The following MECOM variants were observed in gnomAD, a reference collection of about 807,000 sequenced individuals.
MECOM encodes the protein histone-lysine N-methyltransferase MECOM.
Under a neutral mutation model 116.3 loss-of-function variants are expected in MECOM, and 13 were observed. That is an observed-to-expected ratio of 0.11 (90% CI 0.07 to 0.18). MECOM has a LOEUF of 0.18. Ranked by LOEUF, MECOM falls within the 10% of genes least tolerant of loss-of-function variation. The pLI is 1.00. For missense variants in MECOM, 1,299 were observed against 1,509.0 expected (o/e 0.86, Z 2.31); for synonymous variants, 528 against 535.2 (o/e 0.99, Z 0.19).
intron 1 of MECOM, among the ~76,000 whole-genome samples, chr3:169,641,938 A>C (rs1773543714): frequency 6.6e-6 from 1 of 152,246 alleles, no homozygotes; most frequent in Admixed American, 6.5e-5. Flanking sequence ...TTCAAGGAGA[A>C]ATGAAGACAA....
intron 1 of MECOM, among the ~76,000 whole-genome samples, chr3:169,420,403 C>T (rs956493074): frequency 6.6e-6 from 1 of 152,094 alleles, no homozygotes; most frequent in African/African-American, 2.4e-5. Flanking sequence ...GTAAGTTGGG[C>T]TGGGTGTTCT....
chr3:169,102,280 T>C lies in MECOM; in HGVS notation c.2605-54A>G, dbSNP rs550671394. The C allele has an allele frequency of 5.0e-4, 758 of 1,523,562 alleles. 4 individuals carry two copies. The Middle Eastern group carries it at 0.011, about 23-fold the overall frequency. The allele number at this position is 1,523,562 out of a possible 1,614,324, so 94.4% of individuals were successfully genotyped here. A position where few individuals can be genotyped will look rare whatever the true frequency, so the allele number is the denominator to read the frequency against. Reference sequence around the variant, plus strand: ...GCGTTTGGCATCTTGTCTTCTATAATAATCTCTGGCAAACCAAGGACATCA... The same window carrying C: ...GCGTTTGGCATCTTGTCTTCTATAACAATCTCTGGCAAACCAAGGACATCA... On this transcript the variant is annotated intron_variant, in intron 10 of 16. Coordinates refer to ENST00000651503, the MANE Select transcript of MECOM (RefSeq NM_004991.4).
intron 2 of MECOM, among the ~76,000 whole-genome samples, chr3:169,215,898 T>C (rs1751367668): frequency 1.3e-5 from 2 of 152,186 alleles, no homozygotes; most frequent in Non-Finnish European, 1.5e-5. Context: ...CATCTAGCAG[T>C]TTTCGCTCTT....
chr3:169,330,357 A>C (rs183093517), intron 2 of MECOM, among the ~76,000 whole-genome samples: 1 of 152,180 alleles, frequency 6.6e-6, no homozygotes, highest in Non-Finnish European at 1.5e-5. Flanking sequence ...ATTAGGAATT[A>C]ACTGGACAAA....
At chr3:169,190,573 A>G (rs906531007) in intron 2 of MECOM, among the ~76,000 whole-genome samples, 12 of 152,076 alleles carry the variant, frequency 7.9e-5, no homozygotes, top group Admixed American at 1.3e-4. Flanking sequence ...TCACAGGCCA[A>G]CTGGTATCCA....
At chr3:169,594,154 C>CAAAAAAAAAAAAAAA (rs34331048) in intron 1 of MECOM, among the ~76,000 whole-genome samples, 2 of 45,718 alleles carry the variant, frequency 4.4e-5, no homozygotes, top group African/African-American at 1.2e-4. Context: ...ACCACCACCA[C>CAAAAAAAAAAAAAAA]AAAAAAAAAA....
intron 5 of MECOM, among the ~76,000 whole-genome samples, chr3:169,124,351 G>GGA (rs1190567719): frequency 2.0e-5 from 3 of 151,912 alleles, no homozygotes; most frequent in Non-Finnish European, 2.9e-5. Flanking sequence ...AGAAGGTGGT[G>GGA]GAGAGAGAGA....
intron 2 of MECOM, among the ~76,000 whole-genome samples, chr3:169,231,624 G>T (rs1030706585): frequency 1.3e-5 from 2 of 151,954 alleles, no homozygotes; most frequent in African/African-American, 4.8e-5. Flanking sequence ...CAAAAGATGA[G>T]AATGAGTCTT....
At chr3:169,483,677 C>T (rs764974352) in intron 1 of MECOM, 26 of 1,549,988 alleles carry the variant, frequency 1.7e-5, no homozygotes, top group African/African-American at 9.9e-5. Context: ...AAATTTAATC[C>T]TCGTCTTCCT....
intron 2 of MECOM, among the ~76,000 whole-genome samples, chr3:169,369,937 A>G (rs1055599297): frequency 1.3e-5 from 2 of 152,040 alleles, no homozygotes; most frequent in Non-Finnish European, 2.9e-5. Context: ...TCTTTTGGAT[A>G]GCTGGTAGTC....
chr3:169,127,828 A>G lies in MECOM; in HGVS notation c.830+16T>C, dbSNP rs376028053. ...AAAAATACACAAGTTGTATGGTACA[A>G]CATGCCATTTCTAACCTTTGCAAAT... On this transcript the variant is annotated intron_variant, in intron 5 of 16. Coordinates refer to ENST00000651503, the MANE Select transcript of MECOM (RefSeq NM_004991.4). The G allele has an allele frequency of 6.2e-7, 1 of 1,605,648 alleles. No individual in the cohort carries two copies. The highest frequency in any genetic ancestry group is 2.2e-5 in the East Asian group (1 of 44,830).
chr3:169,115,448 T>C lies in MECOM; in HGVS notation c.2424A>G (p.Arg808=). The stretch of plus-strand genomic sequence containing the variant: ...GCTGCAAGGAACCATCTGAAGCAGG[T>C]CTTGATTCGACGTTGCTTCCTTTTT... ...GGKKGSNVES[R]PASDGSLQHA... is the part of the protein sequence containing the mutation. Residue 808 remains arginine (R), a synonymous_variant, in exon 8 of 17, where the codon AGA becomes AGG. Coordinates refer to ENST00000651503, the MANE Select transcript of MECOM (RefSeq NM_004991.4). 2.5e-6 allele frequency: 4 copies of C among 1,614,138 alleles called. No individual in the cohort carries two copies. The South Asian group carries it at 3.3e-5, about 13-fold the overall frequency.
intron 1 of MECOM, among the ~76,000 whole-genome samples, chr3:169,457,784 T>C (rs1295084089): frequency 1.3e-5 from 2 of 152,320 alleles, no homozygotes; most frequent in African/African-American, 4.8e-5. Flanking sequence ...TTTGGGTTTC[T>C]TTTTTTGTTT....
At position 169,381,265 on chromosome 3, in the gene MECOM, C is replaced by A. The variant is rs1178386733; in HGVS notation, c.297G>T (p.Lys99Asn). Residue 99 changes from lysine (K) to asparagine (N), a missense_variant, in exon 2 of 17, where the codon AAG (lysine) becomes AAT (asparagine). By Grantham distance (94) the Lys-to-Asn change is moderately conservative. Transcript: ENST00000651503. ...GAGLGIWTKR[K>N]IEVGEKFGPY... Reference sequence around the variant, plus strand: ...GCCCAAACTTTTCACCTACTTCGATCTTCCTTTTGGTCCATATTCCTAGTC... The same window carrying A: ...GCCCAAACTTTTCACCTACTTCGATATTCCTTTTGGTCCATATTCCTAGTC... The A allele has an allele frequency of 1.9e-6, 3 of 1,613,732 alleles. No individual in the cohort carries two copies. The highest frequency in any genetic ancestry group is 2.2e-5 in the East Asian group (1 of 44,888).
In MECOM at chr3:169,507,977, A is replaced by G. The variant is rs562029311; in HGVS notation, c.38-126453T>C. Among the ~76,000 whole-genome samples, 374 of 152,214 alleles carry G rather than the reference A, an allele frequency of 2.5e-3. 2 individuals are homozygous for G. The highest frequency in any genetic ancestry group is 4.5e-3 in the Non-Finnish European group (309 of 68,000). The stretch of plus-strand genomic sequence containing the variant: ...GCCCGGCCCCAACTTGCCATTTCTT[A>G]ATACGTAACCATGAGATACTTGTTT... On this transcript the variant is annotated intron_variant, in intron 1 of 16. Coordinates refer to ENST00000651503, the MANE Select transcript of MECOM (RefSeq NM_004991.4).
At chr3:169,264,702 C>T (rs116510224) in intron 2 of MECOM, among the ~76,000 whole-genome samples, 286 of 152,242 alleles carry the variant, frequency 1.9e-3, no homozygotes, top group African/African-American at 6.5e-3. Flanking sequence ...GACATATCTC[C>T]GCTTCAAATA....
chr3:169,342,686 A>G (rs1724742135), intron 2 of MECOM, among the ~76,000 whole-genome samples: 2 of 152,222 alleles, frequency 1.3e-5, no homozygotes, highest in South Asian at 4.1e-4. Flanking sequence ...GAATATTATA[A>G]TTATCCAACT....
chr3:169,253,306 C>T (rs956690424), intron 2 of MECOM, among the ~76,000 whole-genome samples: 1 of 151,904 alleles, frequency 6.6e-6, no homozygotes, highest in African/African-American at 2.4e-5. Flanking sequence ...TGCTGACCAA[C>T]AAAGGGATCA....
chr3:169,466,931 C>A (rs1016100693), intron 1 of MECOM: 2 of 152,158 alleles, frequency 1.3e-5, no homozygotes, highest in Non-Finnish European at 2.9e-5. Flanking sequence ...AAGTTGCCAA[C>A]ATTCTTTTTC....
Sources: gnomAD v4.1 joint callset for allele counts (sites outside exome capture counted in the v4.1 genomes callset) on GRCh38, gnomAD v4.1.1 for gene constraint, MANE v1.5 for transcripts, NCBI Gene and HGNC (gene_info 2026-07-23, HGNC 2026-07-21) for gene names.